SPSB1: variants seen among roughly 807,000 people sequenced by gnomAD.
The protein encoded by SPSB1 is splA/ryanodine receptor domain and SOCS box containing 1, also known as SPRY domain-containing SOCS box protein 1.
A neutral mutation model predicts 21.2 loss-of-function variants in SPSB1; 8 were observed. The ratio of observed to expected loss-of-function variants is 0.38; its 90% CI spans 0.22 to 0.68. SPSB1 has a LOEUF of 0.68. Ranked by LOEUF, SPSB1 falls within the 30% of genes least tolerant of loss-of-function variation. The pLI, the probability that SPSB1 is intolerant of heterozygous loss-of-function variation, is 0.53. For missense variants in SPSB1, 242 were observed against 377.8 expected (o/e 0.64, Z 2.98); for synonymous variants, 169 against 161.7 (o/e 1.05, Z -0.34).
chr1:9,346,084 A>G lies in SPSB1; in HGVS notation c.-149-9659A>G, dbSNP rs1414359532. Among the ~76,000 whole-genome samples, 1 of 152,232 alleles carries G rather than the reference A, an allele frequency of 6.6e-6. No homozygotes were observed. Among genetic ancestry groups the G allele is most frequent in the East Asian group, 1.9e-4 (1 of 5,190 alleles). ...GAACCCCAGTGAGCGGGCAGAGCCC[A>G]GGCAGCGGCTGAGCCAGGCTGCAGA... On this transcript the variant is annotated intron_variant, in intron 1 of 2. Transcript: ENST00000328089. The surrounding 1 kb of genome is among the most constrained non-coding windows in gnomAD (Gnocchi z 4.4).
chr1:9,334,208 C>T (rs921578226), intron 1 of SPSB1, among the ~76,000 whole-genome samples: 3 of 152,094 alleles, frequency 2.0e-5, no homozygotes, highest in African/African-American at 4.8e-5. Context: ...GCCTCAGCCT[C>T]CTGAGTAGCT....
At chr1:9,357,294 T>C (rs1453704743) in intron 2 of SPSB1, among the ~76,000 whole-genome samples, 1 of 152,054 alleles carries the variant, frequency 6.6e-6, no homozygotes, top group African/African-American at 2.4e-5. Flanking sequence ...GATGAGTGGG[T>C]GGATGGATCA....
intron 1 of SPSB1, among the ~76,000 whole-genome samples, chr1:9,318,970 A>C (rs1319302661): frequency 3.7e-5 from 3 of 81,552 alleles, no homozygotes; most frequent in Non-Finnish European, 7.3e-5. Context: ...CGGGCACATC[A>C]CCTGAGGTCA....
rs189322934 is a variant in SPSB1, at chr1:9,342,081, A to C, written c.-149-13662A>C. ...AACAAAGCAAGGTCTTGAGAAGCTC[A>C]TTCTAACCTGTCTTAGGGGCTTAGC... On this transcript the variant is annotated intron_variant, in intron 1 of 2. Transcript: ENST00000328089. Among the ~76,000 whole-genome samples, 435 of 152,330 alleles carry C rather than the reference A, an allele frequency of 2.9e-3. 8 individuals carry two copies. The highest frequency in any genetic ancestry group is 7.7e-4 in the East Asian group (4 of 5,184).
At chr1:9,303,587 T>G (rs1350820312) in intron 1 of SPSB1, among the ~76,000 whole-genome samples, 2 of 152,242 alleles carry the variant, frequency 1.3e-5, no homozygotes, top group African/African-American at 4.8e-5. Context: ...AGTATTAATT[T>G]TACATCATAG....
intron 1 of SPSB1, among the ~76,000 whole-genome samples, chr1:9,326,491 G>T (rs986349929): frequency 3.3e-5 from 5 of 152,204 alleles, no homozygotes; most frequent in African/African-American, 1.2e-4. Flanking sequence ...GGTTCACCTC[G>T]AGACCACCAG....
chr1:9,302,882 C>A (rs1019760216), intron 1 of SPSB1, among the ~76,000 whole-genome samples: 1 of 152,202 alleles, frequency 6.6e-6, no homozygotes, highest in African/African-American at 2.4e-5. Context: ...CACTGCGCAT[C>A]ATATCCCCTA....
intron 1 of SPSB1, among the ~76,000 whole-genome samples, chr1:9,338,492 G>A (rs1336831957): frequency 6.6e-6 from 1 of 152,234 alleles, no homozygotes; most frequent in Non-Finnish European, 1.5e-5. Context: ...AGGACAGGGG[G>A]CACAGCCAGA....
intron 2 of SPSB1, among the ~76,000 whole-genome samples, chr1:9,359,692 ACTCCGT>A (rs1278023963): frequency 1.5e-5 from 2 of 136,958 alleles, no homozygotes; most frequent in African/African-American, 5.5e-5. Flanking sequence ...ACAGAGCAAG[ACTCCGT>A]CTCTGGGAAA....
rs1305051655 is a variant in SPSB1 at position 9,293,305 on chromosome 1, C to G, written c.-150+234C>G. ...TCGCCGCGGCTCCTGGGAGAGGGGC[C>G]CAGGCCCGCCCCGCGCTGCCGCCGC... is the stretch of plus-strand genomic sequence containing the variant. On this transcript the variant is annotated intron_variant, in intron 1 of 2. Transcript: ENST00000328089. This position sits in a 1 kb window ranked among gnomAD's most constrained non-coding sequence, Gnocchi z 5.1. 6.7e-6 allele frequency among the ~76,000 whole-genome samples: 1 copy of G among 148,824 alleles called. No homozygotes were observed. The highest frequency in any genetic ancestry group is 1.5e-5 in the Non-Finnish European group (1 of 66,796).
chr1:9,367,708 A>G lies in SPSB1; in HGVS notation c.*133A>G. The G allele has an allele frequency of 2.2e-6, 3 of 1,358,000 alleles. No individual in the cohort carries two copies. The highest frequency in any genetic ancestry group is 1.5e-5 in the African/African-American group (1 of 68,268). The allele number at this position is 1,358,000 out of a possible 1,614,324, so 84.1% of individuals were successfully genotyped here. A position where few individuals can be genotyped will look rare whatever the true frequency, so the allele number is the denominator to read the frequency against. On this transcript the variant is annotated 3_prime_UTR_variant, in exon 3 of 3. Coordinates refer to ENST00000328089, the MANE Select transcript of SPSB1 (RefSeq NM_025106.4). The surrounding 1 kb of genome is among the most constrained non-coding windows in gnomAD (Gnocchi z 5.9). ...GGACAGAGGTCCCTGGTCTTCCCTCATCCTCCGTGGCTGCCTCCATGGGAC... is the reference window on the plus strand; with the variant it reads ...GGACAGAGGTCCCTGGTCTTCCCTCGTCCTCCGTGGCTGCCTCCATGGGAC...
chr1:9,314,184 A>AAC (rs1352228668), intron 1 of SPSB1, among the ~76,000 whole-genome samples: 3 of 151,244 alleles, frequency 2.0e-5, no homozygotes, highest in African/African-American at 7.3e-5. Context: ...TCAAAAAAAA[A>AAC]AAACAAAAAA....
chr1:9,306,985 C>T (rs533498974), intron 1 of SPSB1, among the ~76,000 whole-genome samples: 52 of 149,680 alleles, frequency 3.5e-4, no homozygotes, highest in African/African-American at 1.1e-3. Flanking sequence ...TAGGGTGCAG[C>T]GGCACAGTCT....
chr1:9,297,178 C>A (rs955718691), intron 1 of SPSB1, among the ~76,000 whole-genome samples: 3 of 152,132 alleles, frequency 2.0e-5, no homozygotes, highest in African/African-American at 7.2e-5. Flanking sequence ...CTTAGCCTGA[C>A]CCTCTTGAGT....
chr1:9,322,590 C>T (rs967715264), intron 1 of SPSB1, among the ~76,000 whole-genome samples: 2 of 152,138 alleles, frequency 1.3e-5, no homozygotes, highest in Non-Finnish European at 2.9e-5. Context: ...TTCTTTCAAG[C>T]CCCTGAGAAG....
chr1:9,347,190 C>T (rs1640178226), intron 1 of SPSB1, among the ~76,000 whole-genome samples: 1 of 152,178 alleles, frequency 6.6e-6, no homozygotes, highest in Non-Finnish European at 1.5e-5. Context: ...GCCCTTCTAC[C>T]AGTTATGGAT....
At chr1:9,362,101 C>T (rs1382653995) in intron 2 of SPSB1, among the ~76,000 whole-genome samples, 1 of 152,240 alleles carries the variant, frequency 6.6e-6, no homozygotes, top group Admixed American at 6.5e-5. Context: ...CGGGTGCCTC[C>T]TTCCTGCACT....
At chr1:9,338,437 G>T (rs1002243554) in intron 1 of SPSB1, among the ~76,000 whole-genome samples, 1 of 152,226 alleles carries the variant, frequency 6.6e-6, no homozygotes, top group Non-Finnish European at 1.5e-5. Flanking sequence ...CAGCACTTGT[G>T]GGGGTCAGTG....
rs1640508173 is a variant in SPSB1 at position 9,363,283 on chromosome 1, T to A, written c.695-4165T>A. 6.6e-6 allele frequency among the ~76,000 whole-genome samples: 1 copy of A among 152,174 alleles called. No individual in the cohort carries two copies. Among genetic ancestry groups the A allele is most frequent in the Non-Finnish European group, 1.5e-5 (1 of 68,034 alleles). ...CCAGAGAAGAGACCCATTCACAGGA[T>A]GCCTGGGTGACTCTGGTCCTATTTT... is the stretch of plus-strand genomic sequence containing the variant. On this transcript the variant is annotated intron_variant, in intron 2 of 2. Transcript: ENST00000328089. The surrounding 1 kb of genome is among the most constrained non-coding windows in gnomAD (Gnocchi z 4.5).
Sources: gnomAD v4.1 joint callset for allele counts (sites outside exome capture counted in the v4.1 genomes callset) on GRCh38, gnomAD v4.1.1 for gene constraint, Gnocchi (gnomAD v3.1) non-coding constraint, MANE v1.5 for transcripts, NCBI Gene and HGNC (gene_info 2026-07-23, HGNC 2026-07-21) for gene names.